Variants in BBX observed in about 807,000 individuals in gnomAD.
BBX encodes BBX high mobility group box domain containing.
A neutral mutation model predicts 100.2 loss-of-function variants in BBX; 30 were observed. The ratio of observed to expected loss-of-function variants is 0.30; its 90% CI spans 0.22 to 0.41. BBX has a LOEUF of 0.41. BBX is among the 10% of genes least tolerant of loss of function. The pLI is 1.00. For missense variants in BBX, 1,023 were observed against 1,129.8 expected (o/e 0.91, Z 1.35); for synonymous variants, 376 against 388.1 (o/e 0.97, Z 0.37).
At chr3:107,533,732 A>T (rs1283112031) in intron 2 of BBX, among the ~76,000 whole-genome samples, 1 of 152,090 alleles carries the variant, frequency 6.6e-6, no homozygotes, top group Non-Finnish European at 1.5e-5. Context: ...AATGTTTCTT[A>T]TGTTTCTTAT....
chr3:107,653,669 C>T (rs560082237), intron 3 of BBX, among the ~76,000 whole-genome samples: 1 of 152,118 alleles, frequency 6.6e-6, no homozygotes, highest in Non-Finnish European at 1.5e-5. Context: ...GTGTTCTTAA[C>T]ATTTACCGTA....
chr3:107,714,635 A>G (rs1260689953), intron 4 of BBX, among the ~76,000 whole-genome samples: 5 of 152,210 alleles, frequency 3.3e-5, no homozygotes, highest in Non-Finnish European at 7.3e-5. Context: ...CATTATATAC[A>G]TAATGAGGAA....
chr3:107,747,893 T>C (rs2064757430), intron 8 of BBX, 72 bp from the exon 9 acceptor site: 1 of 1,315,526 alleles, frequency 7.6e-7, no homozygotes, highest in Non-Finnish European at 1.1e-6. Flanking sequence ...CAGTTGAAAA[T>C]ATATGGCAGA....
At chr3:107,760,741 G>T (rs148505985) in intron 10 of BBX, among the ~76,000 whole-genome samples, 59 of 152,300 alleles carry the variant, frequency 3.9e-4, no homozygotes, top group African/African-American at 1.4e-3. Context: ...CAATCAAGGA[G>T]TTACTTAGGA....
intron 2 of BBX, among the ~76,000 whole-genome samples, chr3:107,615,645 C>T (rs1340847153): frequency 1.3e-5 from 2 of 152,066 alleles, no homozygotes; most frequent in African/African-American, 4.8e-5. Flanking sequence ...CACATTCAGA[C>T]CATAGCAAGT....
chr3:107,664,106 CTTTCTT>C (rs994238655), intron 3 of BBX, among the ~76,000 whole-genome samples: 5 of 152,112 alleles, frequency 3.3e-5, no homozygotes, highest in African/African-American at 4.8e-5. Flanking sequence ...CGCCTGGCCT[CTTTCTT>C]TTTCTTTTTC....
At chr3:107,558,886 A>G (rs1016338291) in intron 2 of BBX, among the ~76,000 whole-genome samples, 1 of 152,248 alleles carries the variant, frequency 6.6e-6, no homozygotes, top group African/African-American at 2.4e-5. Context: ...GATGATTCAG[A>G]GAAAGGAGTT....
intron 2 of BBX, among the ~76,000 whole-genome samples, chr3:107,614,040 C>T (rs1576500517): frequency 6.6e-6 from 1 of 150,404 alleles, no homozygotes; most frequent in African/African-American, 2.5e-5. Context: ...GAACCTCCGC[C>T]TCCTGGGTTC....
At chr3:107,606,220 A>G (rs1310838804) in intron 2 of BBX, among the ~76,000 whole-genome samples, 1 of 152,230 alleles carries the variant, frequency 6.6e-6, no homozygotes, top group Non-Finnish European at 1.5e-5. Flanking sequence ...AATGTTCACA[A>G]CAATGCTTAT....
intron 3 of BBX, among the ~76,000 whole-genome samples, chr3:107,693,765 C>T (rs1420419400): frequency 8.6e-5 from 13 of 151,670 alleles, no homozygotes; most frequent in South Asian, 2.1e-4. Flanking sequence ...GGGGATGGCA[C>T]TGAATCTGTA....
intron 3 of BBX, among the ~76,000 whole-genome samples, chr3:107,647,328 C>T (rs1348861878): frequency 1.3e-5 from 2 of 152,072 alleles, no homozygotes; most frequent in Non-Finnish European, 2.9e-5. Context: ...AAAGCAAAGC[C>T]GGACACTTTA....
chr3:107,695,575 T>G (rs1442220156), intron 3 of BBX, among the ~76,000 whole-genome samples: 1 of 150,608 alleles, frequency 6.6e-6, no homozygotes, highest in East Asian at 1.9e-4. Context: ...TTGTTATAAT[T>G]TCTGTTCTTT....
chr3:107,621,756 T>G (rs1438752562), intron 2 of BBX, among the ~76,000 whole-genome samples: 4 of 152,176 alleles, frequency 2.6e-5, no homozygotes, highest in Non-Finnish European at 5.9e-5. Context: ...GATTATACCT[T>G]TGTAAGTCAT....
intron 3 of BBX, among the ~76,000 whole-genome samples, chr3:107,680,931 G>C (rs866964875): frequency 1.3e-4 from 20 of 152,264 alleles, no homozygotes; most frequent in African/African-American, 4.6e-4. Flanking sequence ...TAAACTTGCA[G>C]AAGTAGTGTT....
chr3:107,792,940 A>T (rs2069209219), intron 15 of BBX, among the ~76,000 whole-genome samples: 1 of 152,194 alleles, frequency 6.6e-6, no homozygotes, highest in South Asian at 2.1e-4. Context: ...TGTGGTAGAA[A>T]GAGCACTTAC....
chr3:107,773,770 GT>G lies in BBX; in HGVS notation c.1915+137del. Reference sequence around the variant, plus strand: ...CCTTACATTTGTATATTTCTTTATGGTTTATAGATCATAATTATTTGTTACT... The same window carrying G: ...CCTTACATTTGTATATTTCTTTATGGTTATAGATCATAATTATTTGTTACT... On this transcript the variant is annotated intron_variant, in intron 11 of 17. Transcript: ENST00000325805. The surrounding 1 kb of genome is among the most constrained non-coding windows in gnomAD (Gnocchi z 4.1). 1 of 805,344 alleles carries G rather than the reference GT, an allele frequency of 1.2e-6. No individual in the cohort carries two copies. The highest frequency in any genetic ancestry group is 1.9e-6 in the Non-Finnish European group (1 of 529,864). 49.9% of individuals were successfully genotyped at this position (805,344 alleles called of 1,614,324 possible).
intron 10 of BBX, among the ~76,000 whole-genome samples, chr3:107,763,331 T>A (rs997307413): frequency 6.6e-6 from 1 of 151,618 alleles, no homozygotes; most frequent in African/African-American, 2.4e-5. Flanking sequence ...TTCACGCCAC[T>A]CTCCTGCCTC....
intron 15 of BBX, among the ~76,000 whole-genome samples, chr3:107,791,541 C>T (rs533573324): frequency 6.6e-6 from 1 of 152,282 alleles, no homozygotes; most frequent in African/African-American, 2.4e-5. Flanking sequence ...CTTTGAATCG[C>T]ATTAATCAGA....
At chr3:107,687,544 A>G (rs2059919689) in intron 3 of BBX, among the ~76,000 whole-genome samples, 2 of 152,106 alleles carry the variant, frequency 1.3e-5, no homozygotes, top group South Asian at 4.1e-4. Context: ...ATGGTCATCT[A>G]GCCCAACTTT....
Sources: gnomAD v4.1 joint callset for allele counts (sites outside exome capture counted in the v4.1 genomes callset) on GRCh38, gnomAD v4.1.1 for gene constraint, Gnocchi (gnomAD v3.1) non-coding constraint, MANE v1.5 for transcripts, NCBI Gene and HGNC (gene_info 2026-07-23, HGNC 2026-07-21) for gene names.